The following TLK1 variants were observed in gnomAD, a reference collection of about 807,000 sequenced individuals.
TLK1 encodes the protein serine/threonine-protein kinase tousled-like 1.
A neutral mutation model predicts 105.3 loss-of-function variants in TLK1; 24 were observed. The ratio of observed to expected loss-of-function variants is 0.23; its 90% confidence interval spans 0.17 to 0.32. TLK1 has a LOEUF of 0.32. Among genes scored for constraint, TLK1 ranks in the 10% least tolerant of loss-of-function variants. The probability of loss-of-function intolerance (pLI) is 1.00; values close to 1 mark genes in which losing one functional copy is unlikely to be tolerated. For synonymous variants in TLK1, 321 were observed against 310.4 expected (o/e 1.03, Z -0.36); for missense variants, 558 against 910.5 (o/e 0.61, Z 4.98).
intron 11 of TLK1, among the ~76,000 whole-genome samples, chr2:171,035,018 G>A (rs771117448): frequency 2.0e-5 from 3 of 152,010 alleles, no homozygotes; most frequent in Non-Finnish European, 2.9e-5. Flanking sequence ...GATAGTGAGT[G>A]AGTCTCACAA....
chr2:171,012,936 T>G (rs901765845), intron 13 of TLK1, among the ~76,000 whole-genome samples: 4 of 152,180 alleles, frequency 2.6e-5, no homozygotes, highest in African/African-American at 7.2e-5. Context: ...TCAATGTAAG[T>G]CAGATCCACA....
intron 11 of TLK1, among the ~76,000 whole-genome samples, chr2:171,041,373 C>T (rs993367385): frequency 2.0e-5 from 3 of 152,182 alleles, no homozygotes; most frequent in African/African-American, 7.2e-5. Context: ...AATTTGGAAT[C>T]CACATCTGTC....
At chr2:171,158,643 A>G (rs1222904965) in intron 1 of TLK1, among the ~76,000 whole-genome samples, 1 of 152,238 alleles carries the variant, frequency 6.6e-6, no homozygotes, top group Admixed American at 6.5e-5. Context: ...TAAACAAGAA[A>G]CAATAAAATG....
At chr2:171,180,782 T>C (rs1041471488) in intron 1 of TLK1, among the ~76,000 whole-genome samples, 1 of 151,940 alleles carries the variant, frequency 6.6e-6, no homozygotes, top group South Asian at 2.1e-4. Context: ...TCACTTGACA[T>C]GTTAGGACTA....
intron 1 of TLK1, among the ~76,000 whole-genome samples, chr2:171,201,770 C>T (rs933851676): frequency 3.9e-5 from 6 of 152,304 alleles, no homozygotes; most frequent in African/African-American, 7.2e-5. Context: ...TATCTCTTCA[C>T]GCACGGTCTC....
At position 171,160,373 on chromosome 2, in the gene TLK1, A is replaced by C; in HGVS notation, c.56T>G (p.Leu19Arg). Residue 19 changes from leucine (L) to arginine (R), a missense_variant, in exon 1 of 21, where the codon CTC becomes CGC. Leu to Arg is a moderately radical substitution (Grantham distance 102, BLOSUM62 -2). Around this residue, in one of 5 missense-constraint regions of TLK1, gnomAD observed 104 missense variants for 116.0 expected, o/e 0.90. Coordinates refer to ENST00000431350, the MANE Select transcript of TLK1 (RefSeq NM_012290.5). This position sits in a 1 kb window ranked among gnomAD's most constrained non-coding sequence, Gnocchi z 4.4. ...SLEGPPSWSQLSTSPTPGSAA... is the reference protein window; with the variant it reads ...SLEGPPSWSQRSTSPTPGSAA... ...CGAGCCCGGGGTTGGAGACGTGGAG[A>C]GCTGGGACCAAGATGGCGGCCCCTC... The C allele has an allele frequency of 6.2e-7, 1 of 1,605,370 alleles. No individual in the cohort carries two copies. Among genetic ancestry groups the C allele is most frequent in the Non-Finnish European group, 8.5e-7 (1 of 1,176,522 alleles).
At chr2:171,061,722 G>A (rs1235001004) in intron 3 of TLK1, among the ~76,000 whole-genome samples, 2 of 152,172 alleles carry the variant, frequency 1.3e-5, no homozygotes, top group Non-Finnish European at 2.9e-5. Flanking sequence ...TATGGCCTAT[G>A]GGCCTAATCA....
intron 12 of TLK1, among the ~76,000 whole-genome samples, chr2:171,023,870 C>T (rs1322091617): frequency 6.6e-6 from 1 of 152,160 alleles, no homozygotes; most frequent in Non-Finnish European, 1.5e-5. Context: ...CCTAGCAGAG[C>T]TTCTGAATCA....
chr2:171,035,363 G>A (rs943986983), intron 11 of TLK1, among the ~76,000 whole-genome samples: 9 of 151,896 alleles, frequency 5.9e-5, no homozygotes, highest in Non-Finnish European at 1.0e-4. Flanking sequence ...AGGGGGTTGG[G>A]GGAGTTCCCC....
chr2:171,132,819 C>T (rs959329707), intron 1 of TLK1, among the ~76,000 whole-genome samples: 1 of 152,182 alleles, frequency 6.6e-6, no homozygotes, highest in African/African-American at 2.4e-5. Flanking sequence ...GAGCTATGAA[C>T]ACGCCACTGC....
At position 171,202,181 on chromosome 2, in the gene TLK1, C is replaced by T. The variant is rs554486886; in HGVS notation, c.-6+28964G>A. On this transcript the variant is annotated intron_variant, in intron 1 of 20. Transcript: ENST00000521943. ...TAAGAATTTCCCGGCTCAGGCCGGG[C>T]GCGGTGGCTCACGCCTGTAATCCCA... Among the ~76,000 whole-genome samples the T allele has an allele frequency of 8.5e-5, 13 of 152,308 alleles. No individual in the cohort carries two copies. In the South Asian group the frequency reaches 1.2e-3, roughly 15 times the overall value.
intron 1 of TLK1, among the ~76,000 whole-genome samples, chr2:171,230,563 C>A (rs1693977359): frequency 6.6e-6 from 1 of 152,186 alleles, no homozygotes. Context: ...ACACTTTGGA[C>A]CACTCTAAAA....
At chr2:171,208,527 A>G (rs985174532) in intron 1 of TLK1, among the ~76,000 whole-genome samples, 3 of 152,204 alleles carry the variant, frequency 2.0e-5, no homozygotes, top group African/African-American at 7.2e-5. Context: ...AAGAATCCTC[A>G]AAATAGTACA....
intron 11 of TLK1, among the ~76,000 whole-genome samples, chr2:171,031,714 G>A (rs1412454088): frequency 1.3e-5 from 2 of 152,106 alleles, no homozygotes; most frequent in South Asian, 2.1e-4. Context: ...CTAAGTCTGA[G>A]TAAATGAAAA....
Position 171,078,270 on chromosome 2 carries a change from T to C in TLK1, c.330+4511A>G, listed in dbSNP as rs558247545. On this transcript the variant is annotated intron_variant, in intron 3 of 20. Transcript: ENST00000431350. The stretch of plus-strand genomic sequence containing the variant: ...ATCTAATGAAATCTGCTGGGCTTGG[T>C]GGCTCACACCTGTAATCCCAGCACT... Among the ~76,000 whole-genome samples, 22 of 152,334 alleles carry C rather than the reference T, an allele frequency of 1.4e-4. No individual in the cohort carries two copies. In the South Asian group the frequency reaches 4.3e-3, roughly 30 times the overall value.
chr2:171,080,832 C>G (rs998004274), intron 3 of TLK1, among the ~76,000 whole-genome samples: 2 of 151,870 alleles, frequency 1.3e-5, no homozygotes, highest in Non-Finnish European at 2.9e-5. Context: ...CTCAGCCTCT[C>G]GAGTAGATGG....
intron 1 of TLK1, among the ~76,000 whole-genome samples, chr2:171,132,470 T>C (rs1026864275): frequency 6.6e-6 from 1 of 152,228 alleles, no homozygotes; most frequent in African/African-American, 2.4e-5. Flanking sequence ...GAGTTTCAGA[T>C]AAATTATAAA....
intron 1 of TLK1, among the ~76,000 whole-genome samples, chr2:171,186,429 G>A (rs755853343): frequency 1.3e-5 from 2 of 152,208 alleles, no homozygotes; most frequent in Non-Finnish European, 2.9e-5. Context: ...TCGTCACAAT[G>A]ATGGGAGTAA....
rs1683804272 is a variant in TLK1 at position 170,991,967 on chromosome 2, CTT to C, written c.*1811_*1812del. The C allele has an allele frequency of 6.6e-6, 1 of 152,038 alleles. No homozygotes were observed. The highest frequency in any genetic ancestry group is 1.5e-5 in the Non-Finnish European group (1 of 67,996). The allele number at this position is 152,038 out of a possible 1,614,324, so 9.4% of individuals were successfully genotyped here. A position where few individuals can be genotyped will look rare whatever the true frequency, so the allele number is the denominator to read the frequency against. On this transcript the variant is annotated 3_prime_UTR_variant, in exon 21 of 21. Coordinates refer to ENST00000431350, the MANE Select transcript of TLK1 (RefSeq NM_012290.5). Reference sequence around the variant, plus strand: ...GGTATAGCCAGCCCCTTAAACCACTCTTGATGGTTCTAAGTGTTACTTACCCA... The same window carrying C: ...GGTATAGCCAGCCCCTTAAACCACTCGATGGTTCTAAGTGTTACTTACCCA...
Sources: gnomAD v4.1 joint callset for allele counts (sites outside exome capture counted in the v4.1 genomes callset) on GRCh38, gnomAD v4.1.1 for gene constraint, gnomAD v4.1.1 regional missense constraint, Gnocchi (gnomAD v3.1) non-coding constraint, MANE v1.5 for transcripts, NCBI Gene and HGNC (gene_info 2026-07-23, HGNC 2026-07-21) for gene names.